The following PKIA variants were observed in gnomAD, a reference collection of about 807,000 sequenced individuals.
PKIA encodes the protein PKI-alpha.
PKIA carries 4 observed loss-of-function variants against 7.6 expected under a neutral mutation model. The ratio of observed to expected loss-of-function variants is 0.52; its 90% CI spans 0.26 to 1.20. The LOEUF (loss-of-function observed/expected upper bound fraction) is 1.20, where lower values mean the gene tolerates loss of function less well. Ranked by LOEUF, PKIA falls within the 50% of genes most tolerant of loss-of-function variation. The probability of loss-of-function intolerance (pLI) is 0.13; values close to 1 mark genes in which losing one functional copy is unlikely to be tolerated. For missense variants in PKIA, 73 were observed against 86.2 expected, an observed-to-expected ratio of 0.85 and a Z score of 0.61; for synonymous variants, 21 against 30.7, an observed-to-expected ratio of 0.68 and a Z score of 1.04.
At chr8:78,547,360 C>T (rs1806853365) in intron 1 of PKIA, among the ~76,000 whole-genome samples, 1 of 152,162 alleles carries the variant, frequency 6.6e-6, no homozygotes, top group Non-Finnish European at 1.5e-5. Flanking sequence ...ACCTCAGCCT[C>T]CCAAAGTGCT....
chr8:78,575,956 C>T (rs1411813521), intron 2 of PKIA, among the ~76,000 whole-genome samples: 1 of 151,986 alleles, frequency 6.6e-6, no homozygotes, highest in African/African-American at 2.4e-5. Context: ...CTCCTGAGGC[C>T]TCTCTCCTTT....
In PKIA at chr8:78,601,848, C is replaced by A. The variant is rs1432562667; in HGVS notation, c.*27C>A. 3.3e-6 allele frequency: 5 copies of A among 1,519,220 alleles called. No homozygotes were observed. In the Admixed American group the frequency reaches 8.5e-5, roughly 26 times the overall value. The allele number at this position is 1,519,220 out of a possible 1,614,324, so 94.1% of individuals were successfully genotyped here. A position where few individuals can be genotyped will look rare whatever the true frequency, so the allele number is the denominator to read the frequency against. On this transcript the variant is annotated 3_prime_UTR_variant, in exon 4 of 4. Transcript: ENST00000396418. ...ACCCCACTTTGACCCTCGACCACAC[C>A]TGAAAATGTCTCAAATCTCCAGGAG...
intron 1 of PKIA, among the ~76,000 whole-genome samples, chr8:78,523,296 A>T (rs988290136): frequency 6.6e-6 from 1 of 151,740 alleles, no homozygotes; most frequent in Non-Finnish European, 1.5e-5. Context: ...GGGTGGGGGG[A>T]ATTATTAATA....
At chr8:78,582,769 A>G (rs916836606) in intron 2 of PKIA, among the ~76,000 whole-genome samples, 1 of 152,144 alleles carries the variant, frequency 6.6e-6, no homozygotes, top group Non-Finnish European at 1.5e-5. Flanking sequence ...ACAGATCATA[A>G]GGAACTTTCA....
In PKIA at chr8:78,601,786, G is replaced by A. The variant is rs1808355270; in HGVS notation, c.196G>A (p.Glu66Lys). 6.2e-7 allele frequency: 1 copy of A among 1,612,340 alleles called. No individual in the cohort carries two copies. Residue 66 changes from glutamate (E) to lysine (K), a missense_variant, in exon 4 of 4, where the codon GAA becomes AAA. Glu to Lys is a moderately conservative substitution (Grantham distance 56, BLOSUM62 1). Coordinates refer to ENST00000396418, the MANE Select transcript of PKIA (RefSeq NM_006823.4). ...AQRSSTEQSG[E>K]AQGEAAKSES ...ACGAAGTTCTACAGAACAAAGTGGG[G>A]AAGCCCAGGGAGAAGCAGCAAAATC...
At chr8:78,542,934 C>T (rs1421312509) in intron 1 of PKIA, among the ~76,000 whole-genome samples, 6 of 152,214 alleles carry the variant, frequency 3.9e-5, no homozygotes, top group African/African-American at 1.4e-4. Flanking sequence ...TGAATTATGC[C>T]CAAGATTTCA....
At chr8:78,566,834 T>C (rs1807427228) in intron 1 of PKIA, among the ~76,000 whole-genome samples, 1 of 152,140 alleles carries the variant, frequency 6.6e-6, no homozygotes, top group African/African-American at 2.4e-5. Flanking sequence ...AACAATAATC[T>C]TAAAGAAGAT....
At chr8:78,548,058 T>C (rs183408521) in intron 1 of PKIA, among the ~76,000 whole-genome samples, 121 of 152,194 alleles carry the variant, frequency 8.0e-4, no homozygotes, top group East Asian at 6.0e-3. Context: ...AGATAAATAG[T>C]ATGAAATAAG....
intron 1 of PKIA, among the ~76,000 whole-genome samples, chr8:78,527,220 T>C (rs1292129674): frequency 6.6e-6 from 1 of 152,050 alleles, no homozygotes; most frequent in East Asian, 1.9e-4. Flanking sequence ...ACTGAACTGA[T>C]TGGCTGTTTA....
At chr8:78,573,460 T>G (rs1306013535) in intron 2 of PKIA, among the ~76,000 whole-genome samples, 1 of 151,940 alleles carries the variant, frequency 6.6e-6, no homozygotes, top group Non-Finnish European at 1.5e-5. Context: ...ATGGAGCATG[T>G]GAAAGGGGAG....
At chr8:78,541,239 T>C (rs1449668078) in intron 1 of PKIA, among the ~76,000 whole-genome samples, 1 of 152,096 alleles carries the variant, frequency 6.6e-6, no homozygotes, top group Non-Finnish European at 1.5e-5. Flanking sequence ...CTCACAAGTA[T>C]TATCCACATT....
chr8:78,537,709 A>G (rs1806567056), intron 1 of PKIA, among the ~76,000 whole-genome samples: 1 of 151,500 alleles, frequency 6.6e-6, no homozygotes, highest in Non-Finnish European at 1.5e-5. Context: ...GCCACTCACT[A>G]AATACTTCTA....
At chr8:78,549,595 C>A (rs1806928956) in intron 1 of PKIA, among the ~76,000 whole-genome samples, 1 of 151,736 alleles carries the variant, frequency 6.6e-6, no homozygotes, top group East Asian at 1.9e-4. Flanking sequence ...GCCCATGAAG[C>A]CAAGTGCCTT....
intron 1 of PKIA, chr8:78,558,352 T>C (rs1274963516): frequency 6.6e-6 from 1 of 152,434 alleles, no homozygotes; most frequent in South Asian, 2.1e-4. Flanking sequence ...GGTAATTGTA[T>C]TAGTCTGTTT....
In PKIA at chr8:78,540,731, G is replaced by A. The variant is rs751553615; in HGVS notation, c.-157+24263G>A. On this transcript the variant is annotated intron_variant, in intron 1 of 3. Transcript: ENST00000396418. Reference sequence around the variant, plus strand: ...CAAATTTTTTTTTTTTAGACATTCTGTATGTGTTCATAAAAGTCACACATA... The same window carrying A: ...CAAATTTTTTTTTTTTAGACATTCTATATGTGTTCATAAAAGTCACACATA... 1.1e-3 allele frequency among the ~76,000 whole-genome samples: 160 copies of A among 150,862 alleles called. 1 individual carries two copies. The highest frequency in any genetic ancestry group is 2.0e-3 in the Non-Finnish European group (137 of 67,768).
At chr8:78,549,928 T>C (rs1207426863) in intron 1 of PKIA, among the ~76,000 whole-genome samples, 2 of 152,076 alleles carry the variant, frequency 1.3e-5, no homozygotes, top group African/African-American at 2.4e-5. Flanking sequence ...TTGTAAATAG[T>C]TTCCTCTAGA....
intron 1 of PKIA, among the ~76,000 whole-genome samples, chr8:78,559,452 G>T (rs187481401): frequency 1.4e-3 from 207 of 152,248 alleles, no homozygotes; most frequent in African/African-American, 4.4e-3. Flanking sequence ...AAGAACTGTG[G>T]ACCCTGATAA....
At chr8:78,524,208 A>C in intron 1 of PKIA, among the ~76,000 whole-genome samples, 1 of 139,050 alleles carries the variant, frequency 7.2e-6, no homozygotes, top group Non-Finnish European at 1.5e-5. Flanking sequence ...ATATTTATAT[A>C]TATATAAACA....
intron 1 of PKIA, chr8:78,535,511 G>GT (rs1806500313): frequency 6.6e-6 from 1 of 151,648 alleles, no homozygotes; most frequent in Admixed American, 6.6e-5. Context: ...TTTGCTGCTG[G>GT]TTTGTGGTTC....
Sources: allele counts gnomAD v4.1 joint callset (sites outside exome capture counted in the v4.1 genomes callset), GRCh38; gene constraint gnomAD v4.1.1; transcripts MANE v1.5; gene names NCBI Gene and HGNC (gene_info 2026-07-23, HGNC 2026-07-21).